DOCK1: variants seen among roughly 807,000 people sequenced by gnomAD.
The protein encoded by DOCK1 is dedicator of cytokinesis protein 1.
Under a neutral mutation model 262.7 loss-of-function variants are expected in DOCK1, and 138 were observed. That is an observed-to-expected ratio of 0.53 (90% CI 0.46 to 0.61). DOCK1 has a LOEUF of 0.61. Among genes scored for constraint, DOCK1 ranks in the 20% least tolerant of loss-of-function variants. DOCK1 has a pLI of 0.00. For missense variants in DOCK1, 1,908 were observed against 2,370.7 expected (o/e 0.80, Z 4.05); for synonymous variants, 866 against 867.4 (o/e 1.00, Z 0.03).
intron 1 of DOCK1, among the ~76,000 whole-genome samples, chr10:126,943,534 A>G (rs1412327385): frequency 3.9e-5 from 6 of 152,324 alleles, no homozygotes; most frequent in East Asian, 3.9e-4. Context: ...AGTTAATGCA[A>G]TCATTCAGTG....
At chr10:127,198,828 G>A (rs1476611773) in intron 27 of DOCK1, among the ~76,000 whole-genome samples, 1 of 150,862 alleles carries the variant, frequency 6.6e-6, no homozygotes, top group Non-Finnish European at 1.5e-5. Flanking sequence ...CAAAATATTG[G>A]TGAAAACTTG....
intron 43 of DOCK1, among the ~76,000 whole-genome samples, chr10:127,414,086 ATT>A (rs34175299): frequency 6.6e-6 from 1 of 152,050 alleles, no homozygotes; most frequent in Non-Finnish European, 1.5e-5. Context: ...TAATTTTTGT[ATT>A]TTTAGTAGAG....
chr10:127,357,736 C>T (rs2064213014), intron 32 of DOCK1, among the ~76,000 whole-genome samples: 1 of 152,162 alleles, frequency 6.6e-6, no homozygotes, highest in South Asian at 2.1e-4. Flanking sequence ...CAAGAAGTAA[C>T]AGTCAGCCAC....
rs116722800 is a variant in DOCK1 at position 127,029,203 on chromosome 10, T to A, written c.1625-2447T>A. 1.1e-3 allele frequency among the ~76,000 whole-genome samples: 174 copies of A among 152,346 alleles called. 1 individual carries two copies. Among genetic ancestry groups the A allele is most frequent in the African/African-American group, 4.1e-3 (171 of 41,590 alleles). On this transcript the variant is annotated intron_variant, in intron 16 of 51. Coordinates refer to ENST00000623213, the MANE Select transcript of DOCK1 (RefSeq NM_001290223.2). ...AGCTTGTGGGATTTTGGAAACATGT[T>A]GAGCATCGCAGGTGCGATGCCGATG...
intron 27 of DOCK1, among the ~76,000 whole-genome samples, chr10:127,194,487 G>T (rs7085636): frequency 3.3e-5 from 5 of 152,234 alleles, no homozygotes; most frequent in African/African-American, 4.8e-5. Context: ...AGTACAGTGT[G>T]GGGGAATAGT....
chr10:127,009,195 A>G (rs1479004388), intron 11 of DOCK1, among the ~76,000 whole-genome samples: 1 of 152,204 alleles, frequency 6.6e-6, no homozygotes, highest in African/African-American at 2.4e-5. Flanking sequence ...AAAACAAACA[A>G]TTATGATGAA....
At chr10:127,428,115 C>T (rs796697481) in intron 47 of DOCK1, among the ~76,000 whole-genome samples, 47 of 152,230 alleles carry the variant, frequency 3.1e-4, no homozygotes, top group African/African-American at 9.9e-4. Flanking sequence ...TGGCAAGAAG[C>T]GTTTCGGAGT....
intron 23 of DOCK1, among the ~76,000 whole-genome samples, chr10:127,102,034 A>C (rs73378421): frequency 0.049 from 7,405 of 152,216 alleles, 493 homozygotes; most frequent in African/African-American, 0.15. Flanking sequence ...GTTGCATCCC[A>C]AAGCAGACGG....
intron 23 of DOCK1, among the ~76,000 whole-genome samples, chr10:127,096,753 G>A (rs1426553069): frequency 6.6e-6 from 1 of 151,504 alleles, no homozygotes; most frequent in Non-Finnish European, 1.5e-5. Context: ...TTTCAGTTTG[G>A]ATTAAGTTGG....
At chr10:127,047,729 G>A (rs1234509606) in intron 21 of DOCK1, among the ~76,000 whole-genome samples, 4 of 152,128 alleles carry the variant, frequency 2.6e-5, no homozygotes, top group African/African-American at 9.7e-5. Context: ...TGTTTTGCCT[G>A]TTCTTAAACT....
chr10:126,983,598 GTCTCTTGCAGGCTCTGTCTT>G (rs1158702950), intron 4 of DOCK1, among the ~76,000 whole-genome samples: 22 of 152,012 alleles, frequency 1.4e-4, no homozygotes, highest in South Asian at 1.0e-3. Context: ...TGCATGATCT[GTCTCTTGCAGGCTCTGTCTT>G]TCTCTTGCAG....
chr10:127,090,634 C>G (rs1264721314), intron 23 of DOCK1, among the ~76,000 whole-genome samples: 1 of 152,176 alleles, frequency 6.6e-6, no homozygotes, highest in South Asian at 2.1e-4. Context: ...GAAGGAAACC[C>G]CACAGCCGTT....
chr10:126,946,610 T>C (rs1457077621), intron 1 of DOCK1, among the ~76,000 whole-genome samples: 2 of 152,162 alleles, frequency 1.3e-5, no homozygotes, highest in Non-Finnish European at 2.9e-5. Context: ...TAATCTATTA[T>C]ATTTTCTGTC....
At chr10:127,373,653 A>G in intron 33 of DOCK1, 128 bp from the exon 34 acceptor site, 1 of 800,598 alleles carries the variant, frequency 1.2e-6, no homozygotes. Context: ...CTCTTAAATG[A>G]GGCTTCAAAG....
intron 40 of DOCK1, among the ~76,000 whole-genome samples, chr10:127,405,441 C>CTT (rs36056116): frequency 0.37 from 49,279 of 133,892 alleles, 9,586 homozygotes; most frequent in East Asian, 0.59. Flanking sequence ...TTTCTTATGA[C>CTT]TTTTTTTTTT....
chr10:127,296,825 G>T (rs543043123), intron 29 of DOCK1, among the ~76,000 whole-genome samples: 3 of 152,174 alleles, frequency 2.0e-5, no homozygotes, highest in Non-Finnish European at 4.4e-5. Context: ...CTGAATCTCA[G>T]GGCACAGCTG....
At chr10:127,440,743 C>T (rs905126480) in intron 49 of DOCK1, among the ~76,000 whole-genome samples, 8 of 152,344 alleles carry the variant, frequency 5.3e-5, no homozygotes, top group East Asian at 1.9e-4. Flanking sequence ...CGCTGCTCTG[C>T]GGCCTGTGGG....
chr10:126,946,450 G>A (rs1379462386), intron 1 of DOCK1, among the ~76,000 whole-genome samples: 7 of 152,162 alleles, frequency 4.6e-5, no homozygotes, highest in African/African-American at 1.7e-4. Flanking sequence ...GGGAGGCTGA[G>A]GCAGGAGAAT....
chr10:126,987,374 A>T (rs2039479799), intron 4 of DOCK1, 147 bp from the exon 5 acceptor site: 3 of 607,240 alleles, frequency 4.9e-6, no homozygotes, highest in Non-Finnish European at 8.9e-6. Flanking sequence ...GTATGTATTT[A>T]TATGTGTGCA....
Sources: gnomAD v4.1 joint callset for allele counts (sites outside exome capture counted in the v4.1 genomes callset) on GRCh38, gnomAD v4.1.1 for gene constraint, MANE v1.5 for transcripts, NCBI Gene and HGNC (gene_info 2026-07-23, HGNC 2026-07-21) for gene names.